SUGCT: variants seen among roughly 807,000 people sequenced by gnomAD.
The protein encoded by SUGCT is succinyl-CoA:glutarate-CoA transferase.
Under a neutral mutation model 55.0 loss-of-function variants are expected in SUGCT, and 41 were observed. The ratio of observed to expected loss-of-function variants is 0.74; its 90% CI spans 0.58 to 0.97. SUGCT has a LOEUF of 0.97. Among genes scored for constraint, SUGCT ranks in the 50% least tolerant of loss-of-function variants. SUGCT has a pLI of 0.00. For synonymous variants in SUGCT, 187 were observed against 200.4 expected (o/e 0.93, Z 0.56); for missense variants, 568 against 547.8 (o/e 1.04, Z -0.37).
chr7:40,569,417 A>G (rs1481011287), intron 12 of SUGCT, among the ~76,000 whole-genome samples: 1 of 152,090 alleles, frequency 6.6e-6, no homozygotes, highest in Middle Eastern at 3.2e-3. Flanking sequence ...TATTATCTTC[A>G]TCTTGATAGA....
chr7:40,521,428 G>A (rs908326215), intron 12 of SUGCT, among the ~76,000 whole-genome samples: 9 of 152,022 alleles, frequency 5.9e-5, no homozygotes, highest in African/African-American at 9.7e-5. Flanking sequence ...GAGGCAGGGC[G>A]TTCTCTTGGA....
intron 13 of SUGCT, among the ~76,000 whole-genome samples, chr7:40,849,187 A>G (rs772364940): frequency 2.0e-5 from 3 of 152,190 alleles, no homozygotes; most frequent in Non-Finnish European, 4.4e-5. Flanking sequence ...GTTCACTTTT[A>G]TGTATTCTTG....
chr7:40,539,905 G>A (rs1794581203), intron 12 of SUGCT, among the ~76,000 whole-genome samples: 2 of 152,174 alleles, frequency 1.3e-5, no homozygotes, highest in African/African-American at 4.8e-5. Context: ...TCCAGGTCTT[G>A]AAGTGCATTC....
intron 1 of SUGCT, among the ~76,000 whole-genome samples, chr7:40,148,902 T>G (rs1353340359): frequency 6.6e-6 from 1 of 152,200 alleles, no homozygotes; most frequent in African/African-American, 2.4e-5. Context: ...GAGACAGGCT[T>G]TATCTTCTGA....
chr7:40,429,934 T>C (rs1250865466), intron 9 of SUGCT, among the ~76,000 whole-genome samples: 2 of 152,224 alleles, frequency 1.3e-5, no homozygotes, highest in South Asian at 2.1e-4. Context: ...ATATTTTTCT[T>C]TCTGTGTCTG....
At chr7:40,770,203 A>T (rs1194316660) in intron 13 of SUGCT, among the ~76,000 whole-genome samples, 1 of 152,074 alleles carries the variant, frequency 6.6e-6, no homozygotes, top group African/African-American at 2.4e-5. Flanking sequence ...TGGCTTTTAT[A>T]TTATGTTTTG....
intron 12 of SUGCT, among the ~76,000 whole-genome samples, chr7:40,580,559 C>T (rs906887556): frequency 1.3e-5 from 2 of 152,158 alleles, no homozygotes; most frequent in African/African-American, 4.8e-5. Context: ...ACCATAACTT[C>T]AGAATATCCC....
intron 13 of SUGCT, among the ~76,000 whole-genome samples, chr7:40,854,601 G>C (rs2128803903): frequency 6.6e-6 from 1 of 151,782 alleles, no homozygotes; most frequent in African/African-American, 2.4e-5. Flanking sequence ...CTTCATATTT[G>C]ATTAATCATT....
chr7:40,365,754 A>T (rs1402872001), intron 9 of SUGCT, among the ~76,000 whole-genome samples: 2 of 152,150 alleles, frequency 1.3e-5, no homozygotes, highest in East Asian at 3.9e-4. Flanking sequence ...CTGCTCAATG[A>T]AATAAAAGAG....
intron 13 of SUGCT, among the ~76,000 whole-genome samples, chr7:40,796,738 G>A (rs908412565): frequency 3.3e-5 from 5 of 152,282 alleles, no homozygotes; most frequent in African/African-American, 1.2e-4. Flanking sequence ...TCTATATCAG[G>A]TGTGGCTACA....
At chr7:40,369,677 A>G (rs1037066640) in intron 9 of SUGCT, among the ~76,000 whole-genome samples, 5 of 152,138 alleles carry the variant, frequency 3.3e-5, no homozygotes, top group African/African-American at 1.2e-4. Context: ...TCCAATCTGG[A>G]TTAGGATTAA....
intron 9 of SUGCT, among the ~76,000 whole-genome samples, chr7:40,432,136 T>A (rs1787926194): frequency 2.0e-5 from 3 of 152,180 alleles, no homozygotes; most frequent in African/African-American, 4.8e-5. Flanking sequence ...TTTTTCCCAA[T>A]TGATTATAAT....
chr7:40,446,460 T>A (rs1788845091), intron 9 of SUGCT, among the ~76,000 whole-genome samples: 1 of 152,186 alleles, frequency 6.6e-6, no homozygotes, highest in Non-Finnish European at 1.5e-5. Flanking sequence ...GTTGCAGATT[T>A]TCTTTCTGTA....
chr7:40,524,102 G>A (rs1382732011), intron 12 of SUGCT, among the ~76,000 whole-genome samples: 1 of 151,972 alleles, frequency 6.6e-6, no homozygotes, highest in African/African-American at 2.4e-5. Flanking sequence ...TAAAAAAAAT[G>A]TTTTGCACAT....
At chr7:40,530,980 G>A (rs1413734470) in intron 12 of SUGCT, among the ~76,000 whole-genome samples, 1 of 152,186 alleles carries the variant, frequency 6.6e-6, no homozygotes, top group African/African-American at 2.4e-5. Context: ...GTAAATATAA[G>A]GGTAAAATTT....
intron 6 of SUGCT, among the ~76,000 whole-genome samples, chr7:40,206,232 A>G (rs554980659): frequency 1.3e-5 from 2 of 152,186 alleles, no homozygotes; most frequent in Admixed American, 6.6e-5. Flanking sequence ...TAAAGAAGCA[A>G]TGTTAGATAA....
At chr7:40,195,796 C>T (rs1786249357) in intron 6 of SUGCT, among the ~76,000 whole-genome samples, 1 of 146,532 alleles carries the variant, frequency 6.8e-6, no homozygotes, top group African/African-American at 2.5e-5. Context: ...CTCACTGCAC[C>T]CTCTGCCCCT....
At chr7:40,227,211 T>C (rs1788428775) in intron 6 of SUGCT, among the ~76,000 whole-genome samples, 1 of 151,862 alleles carries the variant, frequency 6.6e-6, no homozygotes, top group African/African-American at 2.4e-5. Flanking sequence ...CACGCCTGGC[T>C]AATTTTTTTG....
At chr7:40,737,241 A>G (rs1489465216) in intron 12 of SUGCT, among the ~76,000 whole-genome samples, 1 of 152,180 alleles carries the variant, frequency 6.6e-6, no homozygotes, top group African/African-American at 2.4e-5. Context: ...ATTTGATCAA[A>G]CTTGGTTTTT....
Sources: gnomAD v4.1 joint callset for allele counts (sites outside exome capture counted in the v4.1 genomes callset) on GRCh38, gnomAD v4.1.1 for gene constraint, MANE v1.5 for transcripts, NCBI Gene and HGNC (gene_info 2026-07-23, HGNC 2026-07-21) for gene names.